ELL: variants seen among roughly 807,000 people sequenced by gnomAD.
The protein encoded by ELL is RNA polymerase II elongation factor ELL.
A neutral mutation model predicts 64.0 loss-of-function variants in ELL; 18 were observed. The observed-to-expected ratio is 0.28, with a 90% confidence interval of 0.19 to 0.42. ELL has a LOEUF of 0.42. Among genes scored for constraint, ELL ranks in the 10% least tolerant of loss-of-function variants. The probability of loss-of-function intolerance (pLI) is 1.00; values close to 1 mark genes in which losing one functional copy is unlikely to be tolerated. For synonymous variants in ELL, 399 were observed against 376.2 expected, an observed-to-expected ratio of 1.06 and a Z score of -0.70; for missense variants, 797 against 870.4, an observed-to-expected ratio of 0.92 and a Z score of 1.06.
At chr19:18,497,500 C>T (rs1166323472) in intron 1 of ELL, among the ~76,000 whole-genome samples, 6 of 151,946 alleles carry the variant, frequency 3.9e-5, no homozygotes, top group Admixed American at 6.6e-5. Context: ...AGAGTGTGTC[C>T]CAGTGGAAAC....
chr19:18,494,282 CAAAGAG>C (rs1296413029), intron 1 of ELL, among the ~76,000 whole-genome samples: 1 of 151,252 alleles, frequency 6.6e-6, no homozygotes, highest in Non-Finnish European at 1.5e-5. Flanking sequence ...AGGGGAGGGT[CAAAGAG>C]AGAGAGAGAA....
At chr19:18,484,863 C>A (rs1975378381) in intron 1 of ELL, among the ~76,000 whole-genome samples, 1 of 152,202 alleles carries the variant, frequency 6.6e-6, no homozygotes, top group Non-Finnish European at 1.5e-5. Flanking sequence ...ACCAAACCTG[C>A]CTTCTGCCCA....
intron 1 of ELL, among the ~76,000 whole-genome samples, chr19:18,491,023 C>T (rs756723362): frequency 1.6e-4 from 25 of 152,196 alleles, no homozygotes; most frequent in Non-Finnish European, 3.2e-4. Context: ...GGCCAAACAA[C>T]AGTCTAGATG....
chr19:18,519,663 C>A (rs1366420369), intron 1 of ELL, among the ~76,000 whole-genome samples: 1 of 151,934 alleles, frequency 6.6e-6, no homozygotes, highest in Non-Finnish European at 1.5e-5. Context: ...AAAAATTAGC[C>A]GGGTGTGGTG....
intron 2 of ELL, among the ~76,000 whole-genome samples, chr19:18,471,596 A>C (rs1047974406): frequency 4.6e-5 from 7 of 152,222 alleles, no homozygotes; most frequent in African/African-American, 1.7e-4. Context: ...TGAATCCAGG[A>C]GGCCGAAGTT....
At chr19:18,471,499 C>G in intron 2 of ELL, 1 of 261,606 alleles carries the variant, frequency 3.8e-6, no homozygotes, top group South Asian at 3.1e-5. Flanking sequence ...GAAACCCTAT[C>G]TCTACTAAAA....
chr19:18,516,181 G>T (rs1337374882), intron 1 of ELL, among the ~76,000 whole-genome samples: 1 of 152,070 alleles, frequency 6.6e-6, no homozygotes, highest in Non-Finnish European at 1.5e-5. Context: ...CGGTGCCAAG[G>T]GTGACATCCA....
chr19:18,479,270 A>T (rs1975242349), intron 1 of ELL, among the ~76,000 whole-genome samples: 1 of 152,246 alleles, frequency 6.6e-6, no homozygotes, highest in African/African-American at 2.4e-5. Flanking sequence ...AATGTCAAGC[A>T]GTGCAGGGGC....
At chr19:18,474,044 A>C (rs1975123430) in intron 1 of ELL, among the ~76,000 whole-genome samples, 1 of 152,260 alleles carries the variant, frequency 6.6e-6, no homozygotes, top group Non-Finnish European at 1.5e-5. Context: ...CACCTGCGAC[A>C]GTATCAGAGA....
At chr19:18,482,000 C>T (rs975860077) in intron 1 of ELL, among the ~76,000 whole-genome samples, 1 of 152,188 alleles carries the variant, frequency 6.6e-6, no homozygotes, top group Non-Finnish European at 1.5e-5. Flanking sequence ...TGTTGCTCCC[C>T]ATCCACGTCA....
At chr19:18,509,599 A>AGTGCGCG (rs1568399753) in intron 1 of ELL, among the ~76,000 whole-genome samples, 2 of 9,538 alleles carry the variant, frequency 2.1e-4, no homozygotes, top group African/African-American at 3.6e-4. Flanking sequence ...GCGCGCACAT[A>AGTGCGCG]CACACACACA....
intron 1 of ELL, among the ~76,000 whole-genome samples, chr19:18,499,195 T>C (rs1037085200): frequency 1.3e-5 from 2 of 152,096 alleles, no homozygotes; most frequent in African/African-American, 4.8e-5. Flanking sequence ...TCAACAGGAA[T>C]GACACAAGGG....
At chr19:18,455,160 A>C (rs1486841630) in intron 6 of ELL, among the ~76,000 whole-genome samples, 3 of 150,064 alleles carry the variant, frequency 2.0e-5, no homozygotes, top group African/African-American at 7.4e-5. Context: ...AAAAAAAGAA[A>C]GAAAGAAAGA....
At chr19:18,502,696 A>T (rs1054046739) in intron 1 of ELL, among the ~76,000 whole-genome samples, 4 of 152,120 alleles carry the variant, frequency 2.6e-5, no homozygotes, top group Non-Finnish European at 5.9e-5. Context: ...GACACCAGAC[A>T]CCTGCCACTT....
intron 1 of ELL, among the ~76,000 whole-genome samples, chr19:18,514,161 T>C (rs1294977166): frequency 6.6e-6 from 1 of 152,004 alleles, no homozygotes; most frequent in Non-Finnish European, 1.5e-5. Flanking sequence ...GACGCTTTTA[T>C]CTGGGAGAAT....
chr19:18,500,511 G>A (rs1032208883), intron 1 of ELL, among the ~76,000 whole-genome samples: 1 of 152,214 alleles, frequency 6.6e-6, no homozygotes, highest in African/African-American at 2.4e-5. Context: ...GCAGGACCTG[G>A]CACAGCTTTG....
Position 18,465,841 on chromosome 19 carries a change from G to A in ELL, c.261C>T (p.Asp87=). ...FSFYLSNIGR[D]NPQGSFDCIQ... ...TGCAGTCGAAGCTGCCCTGGGGGTT[G>A]TCGCGGCCGATGTTGGAGAGGTAGA... Residue 87 remains aspartate (D), a synonymous_variant, in exon 3 of 12, where the codon GAC becomes GAT. Coordinates refer to ENST00000262809, the MANE Select transcript of ELL (RefSeq NM_006532.4). The A allele has an allele frequency of 7.4e-7, 1 of 1,352,480 alleles. No homozygotes were observed. 83.8% of individuals were successfully genotyped at this position (1,352,480 alleles called of 1,614,324 possible). A position where few individuals can be genotyped will look rare whatever the true frequency, so the allele number is the denominator to read the frequency against.
At chr19:18,460,187 A>AG (rs61063850) in intron 5 of ELL, among the ~76,000 whole-genome samples, 3,935 of 152,220 alleles carry the variant, frequency 0.026, 106 homozygotes, top group African/African-American at 0.071. Context: ...ATTCCTCAGC[A>AG]TGTCTGAGGG....
chr19:18,482,336 T>TTTTTTTTTTTTTTTTTTTTTTTTC (rs781472836), intron 1 of ELL, among the ~76,000 whole-genome samples: 1 of 127,924 alleles, frequency 7.8e-6, no homozygotes, highest in Non-Finnish European at 1.7e-5. Context: ...TTTTTTTTTT[T>TTTTTTTTTTTTTTTTTTTTTTTTC]AAACAGGGTC....
Sources: allele counts gnomAD v4.1 joint callset (sites outside exome capture counted in the v4.1 genomes callset), GRCh38; gene constraint gnomAD v4.1.1; transcripts MANE v1.5; gene names NCBI Gene and HGNC (gene_info 2026-07-23, HGNC 2026-07-21).